EPHB1: variants seen among roughly 807,000 people sequenced by gnomAD.
EPHB1 encodes EPH receptor B1, also known as ephrin type-B receptor 1.
Under a neutral mutation model 94.4 loss-of-function variants are expected in EPHB1, and 30 were observed. The ratio of observed to expected loss-of-function variants is 0.32; its 90% CI spans 0.24 to 0.43. The LOEUF (loss-of-function observed/expected upper bound fraction) is 0.43, where lower values mean the gene tolerates loss of function less well. Ranked by LOEUF, EPHB1 falls within the 20% of genes least tolerant of loss-of-function variation. The pLI is 1.00. For missense variants in EPHB1, 1,055 were observed against 1,308.3 expected, an observed-to-expected ratio of 0.81 and a Z score of 2.99; for synonymous variants, 522 against 489.1, an observed-to-expected ratio of 1.07 and a Z score of -0.89.
chr3:134,929,207 G>A lies in EPHB1; in HGVS notation c.123+3327G>A, dbSNP rs181627109. On this transcript the variant is annotated intron_variant, in intron 2 of 15. Coordinates refer to ENST00000398015, the MANE Select transcript of EPHB1 (RefSeq NM_004441.5). ...GAGATAAAGGCACCTACAGAGAGCT[G>A]AGAGTGCTCAGTTTTGACGTGACAG... is the stretch of plus-strand genomic sequence containing the variant. 3.9e-5 allele frequency among the ~76,000 whole-genome samples: 6 copies of A among 152,286 alleles called. No homozygotes were observed. The East Asian group carries it at 1.2e-3, about 29-fold the overall frequency.
At chr3:135,067,237 A>G (rs1937592053) in intron 3 of EPHB1, among the ~76,000 whole-genome samples, 1 of 152,052 alleles carries the variant, frequency 6.6e-6, no homozygotes, top group African/African-American at 2.4e-5. Context: ...AGCGTGGGGA[A>G]GGGGGTGCCT....
intron 3 of EPHB1, among the ~76,000 whole-genome samples, chr3:135,031,676 C>T (rs928207183): frequency 1.3e-5 from 2 of 152,096 alleles, no homozygotes; most frequent in African/African-American, 4.8e-5. Context: ...GTACTTTTTT[C>T]CACAAAGCCA....
intron 3 of EPHB1, among the ~76,000 whole-genome samples, chr3:134,992,321 A>G (rs1934836164): frequency 6.6e-6 from 1 of 152,066 alleles, no homozygotes; most frequent in Non-Finnish European, 1.5e-5. Flanking sequence ...ATTTCAAGCC[A>G]TAGGCTGTGG....
chr3:134,936,018 C>T (rs896045693), intron 2 of EPHB1, among the ~76,000 whole-genome samples: 9 of 152,034 alleles, frequency 5.9e-5, no homozygotes, highest in Non-Finnish European at 1.0e-4. Context: ...GTGGGGGTGC[C>T]GCTGAGACTG....
At chr3:134,828,290 A>C (rs1306615688) in intron 1 of EPHB1, among the ~76,000 whole-genome samples, 1 of 152,244 alleles carries the variant, frequency 6.6e-6, no homozygotes, top group East Asian at 1.9e-4. Flanking sequence ...GGAACAAAAA[A>C]AGATCATGGA....
At chr3:135,127,969 C>T (rs1328555925) in intron 4 of EPHB1, among the ~76,000 whole-genome samples, 1 of 152,230 alleles carries the variant, frequency 6.6e-6, no homozygotes, top group African/African-American at 2.4e-5. Flanking sequence ...CAGCTCAACA[C>T]TTCTCCCATC....
At chr3:134,930,742 T>G (rs890431087) in intron 2 of EPHB1, among the ~76,000 whole-genome samples, 3 of 152,324 alleles carry the variant, frequency 2.0e-5, no homozygotes, top group African/African-American at 2.4e-5. Flanking sequence ...TTCCCGACAC[T>G]CTGTCTCTCA....
In EPHB1 at chr3:134,825,740, A is replaced by G. The variant is rs115066922; in HGVS notation, c.58+30051A>G. 2.9e-3 allele frequency among the ~76,000 whole-genome samples: 445 copies of G among 152,230 alleles called. 2 individuals are homozygous for G. Among genetic ancestry groups the G allele is most frequent in the African/African-American group, 0.01 (431 of 41,548 alleles). ...CAGGAGCTTTCTATGCTTTCTCTGC[A>G]TATTAGTATACTCCAGTCTCCTTCA... On this transcript the variant is annotated intron_variant, in intron 1 of 15. Coordinates refer to ENST00000398015, the MANE Select transcript of EPHB1 (RefSeq NM_004441.5).
At chr3:134,880,736 C>T (rs1444190143) in intron 1 of EPHB1, among the ~76,000 whole-genome samples, 3 of 152,246 alleles carry the variant, frequency 2.0e-5, no homozygotes. Context: ...AGATGAGCAT[C>T]TGGGCCTTAG....
intron 10 of EPHB1, among the ~76,000 whole-genome samples, chr3:135,181,868 G>A (rs1942161617): frequency 6.6e-6 from 1 of 152,190 alleles, no homozygotes; most frequent in South Asian, 2.1e-4. Flanking sequence ...ATTCTGCTCA[G>A]AGAAGGTTCA....
At chr3:135,042,103 A>G (rs1290977584) in intron 3 of EPHB1, among the ~76,000 whole-genome samples, 6 of 152,272 alleles carry the variant, frequency 3.9e-5, no homozygotes, top group African/African-American at 1.4e-4. Flanking sequence ...AATTTTTTAA[A>G]TATCTTTTTG....
chr3:135,017,439 T>C (rs996732386), intron 3 of EPHB1, among the ~76,000 whole-genome samples: 6 of 152,204 alleles, frequency 3.9e-5, no homozygotes, highest in African/African-American at 1.4e-4. Context: ...TAAATCATTA[T>C]TTCACTGGCA....
At chr3:135,037,420 A>G (rs1173760936) in intron 3 of EPHB1, among the ~76,000 whole-genome samples, 1 of 152,198 alleles carries the variant, frequency 6.6e-6, no homozygotes, top group East Asian at 1.9e-4. Flanking sequence ...TTAGATATGT[A>G]CTGGAGAAAA....
chr3:135,039,289 G>C (rs879778456), intron 3 of EPHB1, among the ~76,000 whole-genome samples: 1 of 152,198 alleles, frequency 6.6e-6, no homozygotes, highest in Non-Finnish European at 1.5e-5. Context: ...GTGCTGATTG[G>C]TGTATTTACA....
intron 3 of EPHB1, among the ~76,000 whole-genome samples, chr3:135,065,710 G>A (rs1253355483): frequency 2.0e-5 from 3 of 152,128 alleles, no homozygotes; most frequent in Admixed American, 1.3e-4. Flanking sequence ...GAGATGTGAG[G>A]TACCATTCCA....
chr3:134,808,344 A>T (rs1250175284), intron 1 of EPHB1, among the ~76,000 whole-genome samples: 1 of 152,004 alleles, frequency 6.6e-6, no homozygotes, highest in East Asian at 1.9e-4. Flanking sequence ...ATTGAAATAC[A>T]CTCATTGGCC....
chr3:134,875,211 G>T (rs2037592054), intron 1 of EPHB1, among the ~76,000 whole-genome samples: 1 of 152,208 alleles, frequency 6.6e-6, no homozygotes, highest in Non-Finnish European at 1.5e-5. Flanking sequence ...CAGGCATGTG[G>T]CTGTGCTGGT....
At chr3:134,971,383 A>G (rs1933964530) in intron 3 of EPHB1, among the ~76,000 whole-genome samples, 1 of 152,178 alleles carries the variant, frequency 6.6e-6, no homozygotes, top group South Asian at 2.1e-4. Context: ...AGTAGCAGGT[A>G]GAGTCGATGC....
At chr3:134,988,126 C>G (rs376816581) in intron 3 of EPHB1, among the ~76,000 whole-genome samples, 1 of 152,162 alleles carries the variant, frequency 6.6e-6, no homozygotes, top group African/African-American at 2.4e-5. Flanking sequence ...AGAAGCAGGC[C>G]TTATGTTGAG....
Sources: gnomAD v4.1 joint callset for allele counts (sites outside exome capture counted in the v4.1 genomes callset) on GRCh38, gnomAD v4.1.1 for gene constraint, MANE v1.5 for transcripts, NCBI Gene and HGNC (gene_info 2026-07-23, HGNC 2026-07-21) for gene names.